The following PLEK2 variants were observed in gnomAD, a reference collection of about 807,000 sequenced individuals.
PLEK2 encodes the protein pleckstrin 2, also known as pleckstrin-2.
PLEK2 carries 29 observed loss-of-function variants against 43.8 expected under a neutral mutation model. The observed-to-expected ratio is 0.66, with a 90% CI of 0.49 to 0.90. The LOEUF is 0.90. Ranked by LOEUF, PLEK2 falls within the 40% of genes least tolerant of loss-of-function variation. The probability of loss-of-function intolerance (pLI) is 0.00; values close to 1 mark genes in which losing one functional copy is unlikely to be tolerated. For missense variants in PLEK2, 398 were observed against 448.1 expected (o/e 0.89, Z 1.01); for synonymous variants, 162 against 173.2 (o/e 0.94, Z 0.51).
Position 67,388,252 on chromosome 14 carries a change from A to G in PLEK2, c.906T>C (p.Ser302=), listed in dbSNP as rs771043008. Residue 302 remains serine (S), a synonymous_variant, in exon 8 of 9, where the codon TCT becomes TCC. Transcript: ENST00000216446. ...TGGGAACGCCATTATCTTCCAGAGC[A>G]GACACGAGTGAACCACGAAGAGAAA... is the stretch of plus-strand genomic sequence containing the variant. The part of the protein sequence containing the change: ...GGFSLRGSLV[S]ALEDNGVPTG... The G allele has an allele frequency of 8.7e-6, 14 of 1,613,552 alleles. No homozygotes were observed. The highest frequency in any genetic ancestry group is 1.0e-5 in the Non-Finnish European group (12 of 1,179,480).
At chr14:67,400,807 G>C (rs1026034318) in intron 1 of PLEK2, among the ~76,000 whole-genome samples, 1 of 152,046 alleles carries the variant, frequency 6.6e-6, no homozygotes, top group Admixed American at 6.6e-5. Context: ...GGGCAACATA[G>C]TGAAATGCCA....
chr14:67,401,211 CT>C (rs1161046694), intron 1 of PLEK2, among the ~76,000 whole-genome samples: 2 of 151,684 alleles, frequency 1.3e-5, no homozygotes, highest in African/African-American at 2.4e-5. Flanking sequence ...TTTAGGTTGG[CT>C]GCGGTGGCTC....
At chr14:67,388,793 C>T (rs1467551466) in intron 7 of PLEK2, among the ~76,000 whole-genome samples, 1 of 152,142 alleles carries the variant, frequency 6.6e-6, no homozygotes, top group East Asian at 1.9e-4. Context: ...GATTCTCCTG[C>T]CTCAGTCTCC....
chr14:67,390,755 AAG>A lies in PLEK2; in HGVS notation c.772-11_772-10del, dbSNP rs1264642251. ...TTTTTCCTCTTGTGTCCCTGAGGCA[AAG>A]AAATGGTTCAAAGCTCATTGGTGAC... On this transcript the variant is annotated splice_polypyrimidine_tract_variant and intron_variant, in intron 6 of 8. Coordinates refer to ENST00000216446, the MANE Select transcript of PLEK2 (RefSeq NM_016445.3). 6.3e-7 allele frequency: 1 copy of A among 1,595,370 alleles called. No individual in the cohort carries two copies. The highest frequency in any genetic ancestry group is 1.3e-5 in the African/African-American group (1 of 74,544).
chr14:67,396,904 T>G (rs1214814356), intron 2 of PLEK2, among the ~76,000 whole-genome samples: 7 of 152,268 alleles, frequency 4.6e-5, no homozygotes, highest in African/African-American at 7.2e-5. Flanking sequence ...GCAAATGTCT[T>G]GGCACATGAT....
chr14:67,393,226 C>A lies in PLEK2; in HGVS notation c.405G>T (p.Lys135Asn). The change falls in exon 4 of 9, where the codon AAG (lysine) becomes AAT (asparagine). Residue 135 changes from lysine (K) to asparagine (N), a missense_variant. Lys to Asn is a moderately conservative substitution (Grantham distance 94, BLOSUM62 0). Transcript: ENST00000216446. ...GGATTCCGGTGTTGCTATCGTGCAT[C>A]TTGTCCACAATGCGACTACATGGAA... Reference protein sequence around the residue: ...PHISLHRIVDKMHDSNTGIRS... With the variant: ...PHISLHRIVDNMHDSNTGIRS... 5 of 1,613,494 alleles carry A rather than the reference C, an allele frequency of 3.1e-6. No homozygotes were observed. The highest frequency in any genetic ancestry group is 4.2e-6 in the Non-Finnish European group (5 of 1,179,428).
At chr14:67,405,577 C>T (rs2086073120) in intron 1 of PLEK2, among the ~76,000 whole-genome samples, 2 of 152,166 alleles carry the variant, frequency 1.3e-5, no homozygotes, top group South Asian at 4.1e-4. Flanking sequence ...AGTCTCCTTC[C>T]ACATTTTACT....
chr14:67,392,442 G>A lies in PLEK2; in HGVS notation c.670-15C>T. The A allele has an allele frequency of 6.3e-7, 1 of 1,584,162 alleles. No individual in the cohort carries two copies. The highest frequency in any genetic ancestry group is 1.1e-5 in the South Asian group (1 of 90,424). On this transcript the variant is annotated splice_polypyrimidine_tract_variant and intron_variant, in intron 5 of 8. Transcript: ENST00000216446. ...TAGCTCTCAGCCTAGGGGGAAGGAG[G>A]GAGCAAGGACTCTGCTACAGAAAAG...
Position 67,412,103 on chromosome 14 carries a change from G to T in PLEK2, c.-44C>A, listed in dbSNP as rs766221632. 2.0e-5 allele frequency: 29 copies of T among 1,472,602 alleles called. No individual in the cohort carries two copies. In the African/African-American group the frequency reaches 4.3e-4, roughly 22 times the overall value. The allele number at this position is 1,472,602 out of a possible 1,614,324, so 91.2% of individuals were successfully genotyped here. On this transcript the variant is annotated 5_prime_UTR_variant, in exon 1 of 9. Transcript: ENST00000216446. ...GGGCCACCCCAGGTGCGCCTTCCCCGCGCCTCGCGCTCCTCGGCACCCGCG... is the reference window on the plus strand; with the variant it reads ...GGGCCACCCCAGGTGCGCCTTCCCCTCGCCTCGCGCTCCTCGGCACCCGCG...
chr14:67,411,396 G>A (rs931450520), intron 1 of PLEK2, among the ~76,000 whole-genome samples: 16 of 152,052 alleles, frequency 1.1e-4, no homozygotes, highest in Non-Finnish European at 1.6e-4. Flanking sequence ...CAGTTTCCCC[G>A]TCTGTAATAG....
In PLEK2 at chr14:67,388,251, C is replaced by G. The variant is rs1274809684; in HGVS notation, c.907G>C (p.Ala303Pro). The G allele has an allele frequency of 1.2e-6, 2 of 1,613,364 alleles. No individual in the cohort carries two copies. The highest frequency in any genetic ancestry group is 8.5e-7 in the Non-Finnish European group (1 of 1,179,438). Reference sequence around the variant, plus strand: ...GTGGGAACGCCATTATCTTCCAGAGCAGACACGAGTGAACCACGAAGAGAA... The same window carrying G: ...GTGGGAACGCCATTATCTTCCAGAGGAGACACGAGTGAACCACGAAGAGAA... ...GFSLRGSLVS[A>P]LEDNGVPTGV... The change falls in exon 8 of 9, where the codon GCT becomes CCT. Residue 303 changes from alanine to proline, a missense_variant. Ala to Pro is a conservative substitution (Grantham distance 27). Transcript: ENST00000216446.
chr14:67,407,762 A>G (rs989125085), intron 1 of PLEK2, among the ~76,000 whole-genome samples: 1 of 152,144 alleles, frequency 6.6e-6, no homozygotes, highest in African/African-American at 2.4e-5. Flanking sequence ...TTTAAAGATA[A>G]GGAAACAGAG....
At chr14:67,408,869 C>T (rs2086098619) in intron 1 of PLEK2, among the ~76,000 whole-genome samples, 1 of 151,952 alleles carries the variant, frequency 6.6e-6, no homozygotes, top group Admixed American at 6.6e-5. Flanking sequence ...ATCTGCATAA[C>T]CATAATTTAA....
At chr14:67,392,571 C>T (rs1163496422) in intron 5 of PLEK2, 91 bp downstream of exon 5, 2 of 1,298,450 alleles carry the variant, frequency 1.5e-6, no homozygotes, top group Non-Finnish European at 2.2e-6. Context: ...CCCAAGGTCT[C>T]CTCCCATGAC....
chr14:67,389,832 G>A (rs1306481859), intron 7 of PLEK2, among the ~76,000 whole-genome samples: 2 of 151,288 alleles, frequency 1.3e-5, no homozygotes, highest in Non-Finnish European at 2.9e-5. Flanking sequence ...CTTCAAACAG[G>A]ATTTGAGGTA....
intron 7 of PLEK2, 141 bp from the exon 8 acceptor site, chr14:67,388,443 T>C: frequency 3.0e-6 from 2 of 656,862 alleles, no homozygotes; most frequent in South Asian, 3.5e-5. Flanking sequence ...GGACATCACA[T>C]GGCCAAAGCT....
At chr14:67,388,693 T>G (rs539648157) in intron 7 of PLEK2, among the ~76,000 whole-genome samples, 7 of 152,224 alleles carry the variant, frequency 4.6e-5, no homozygotes, top group Admixed American at 1.3e-4. Flanking sequence ...CATTTCTTTT[T>G]TTTTGAGACG....
intron 7 of PLEK2, among the ~76,000 whole-genome samples, chr14:67,390,367 C>T (rs1184391835): frequency 6.6e-6 from 1 of 152,158 alleles, no homozygotes; most frequent in Non-Finnish European, 1.5e-5. Context: ...ATCCTCCCTA[C>T]TCACAAAGCA....
chr14:67,392,633 T>A (rs779481931), intron 5 of PLEK2, 29 bp downstream of exon 5: 27 of 1,587,842 alleles, frequency 1.7e-5, no homozygotes, highest in Middle Eastern at 1.7e-4. Context: ...TTTGCCCTGG[T>A]GGCAAGAAGA....
Sources: gnomAD v4.1 joint callset for allele counts (sites outside exome capture counted in the v4.1 genomes callset) on GRCh38, gnomAD v4.1.1 for gene constraint, MANE v1.5 for transcripts, NCBI Gene and HGNC (gene_info 2026-07-23, HGNC 2026-07-21) for gene names.